EYS: variants seen among roughly 807,000 people sequenced by gnomAD.
EYS encodes the protein EGF-like photoreceptor maintenance factor, also known as protein eyes shut homolog.
EYS carries 250 observed loss-of-function variants against 282.1 expected under a neutral mutation model. The observed-to-expected ratio is 0.89, with a 90% confidence interval of 0.80 to 0.98. The LOEUF (loss-of-function observed/expected upper bound fraction) is 0.98. Among genes scored for constraint, EYS ranks in the 50% least tolerant of loss-of-function variants. The probability of loss-of-function intolerance (pLI) is 0.00; values close to 1 mark genes in which losing one functional copy is unlikely to be tolerated. For synonymous variants in EYS, 1,355 were observed against 1,282.9 expected (o/e 1.06, Z -1.20); for missense variants, 4,016 against 3,709.0 (o/e 1.08, Z -2.15).
At chr6:64,636,109 C>T (rs1273000707) in intron 22 of EYS, among the ~76,000 whole-genome samples, 1 of 151,938 alleles carries the variant, frequency 6.6e-6, no homozygotes, top group Non-Finnish European at 1.5e-5. Flanking sequence ...CATATGGAAC[C>T]AAAAAAGAGC....
At chr6:65,426,286 T>C (rs902792359) in intron 5 of EYS, among the ~76,000 whole-genome samples, 7 of 152,142 alleles carry the variant, frequency 4.6e-5, no homozygotes, top group African/African-American at 1.7e-4. Context: ...GCCAAAATTC[T>C]ATTTTATTAT....
rs140209043 is a variant in EYS at position 64,518,672 on chromosome 6, G to T, written c.5644+71551C>A. Among the ~76,000 whole-genome samples the T allele has an allele frequency of 2.0e-5, 3 of 151,610 alleles. No homozygotes were observed. The South Asian group carries it at 6.3e-4, about 32-fold the overall frequency. ...TTGAATTGTAGCTCCCATAATCTCCGTGTGTCATGGGAGGAAAGAAGTAGA... is the reference window on the plus strand; with the variant it reads ...TTGAATTGTAGCTCCCATAATCTCCTTGTGTCATGGGAGGAAAGAAGTAGA... On this transcript the variant is annotated intron_variant, in intron 26 of 42. Transcript: ENST00000503581.
intron 11 of EYS, among the ~76,000 whole-genome samples, chr6:65,325,734 G>T (rs565808539): frequency 2.0e-5 from 3 of 152,180 alleles, no homozygotes; most frequent in Middle Eastern, 3.4e-3. Flanking sequence ...GGGACACTCT[G>T]ACTCCTAGAA....
At chr6:64,800,396 A>G (rs1311656204) in intron 22 of EYS, among the ~76,000 whole-genome samples, 2 of 152,048 alleles carry the variant, frequency 1.3e-5, no homozygotes, top group Admixed American at 1.3e-4. Context: ...TTTATTGTGG[A>G]AGAGTTAGAA....
chr6:64,499,832 T>C (rs1776985744), intron 26 of EYS, among the ~76,000 whole-genome samples: 2 of 152,250 alleles, frequency 1.3e-5, no homozygotes, highest in African/African-American at 2.4e-5. Flanking sequence ...AATGAGATAA[T>C]GTGCTATTTC....
intron 12 of EYS, among the ~76,000 whole-genome samples, chr6:65,254,022 A>G (rs1767395538): frequency 6.6e-6 from 1 of 151,898 alleles, no homozygotes; most frequent in African/African-American, 2.4e-5. Context: ...CTATAAAGTC[A>G]TATCTATAAA....
At chr6:65,697,394 G>C (rs936507035) in intron 1 of EYS, among the ~76,000 whole-genome samples, 1 of 151,866 alleles carries the variant, frequency 6.6e-6, no homozygotes, top group African/African-American at 2.4e-5. Flanking sequence ...GATCATCAAG[G>C]CTTGAGTGAC....
chr6:65,051,832 G>A (rs1433169060), intron 13 of EYS, among the ~76,000 whole-genome samples: 1 of 151,414 alleles, frequency 6.6e-6, no homozygotes, highest in Non-Finnish European at 1.5e-5. Context: ...GTAGGTACTA[G>A]CATTAACTTC....
At chr6:64,067,742 G>T (rs943290907) in intron 32 of EYS, among the ~76,000 whole-genome samples, 1 of 152,094 alleles carries the variant, frequency 6.6e-6, no homozygotes, top group African/African-American at 2.4e-5. Context: ...AGTTTCAGGT[G>T]GATCTTGGAA....
At chr6:64,478,301 G>T (rs1313419614) in intron 26 of EYS, among the ~76,000 whole-genome samples, 3 of 151,690 alleles carry the variant, frequency 2.0e-5, no homozygotes, top group Non-Finnish European at 2.9e-5. Context: ...AATTTTAGGG[G>T]CTAGAACTGT....
intron 24 of EYS, among the ~76,000 whole-genome samples, chr6:64,603,070 T>A (rs1183572897): frequency 6.6e-6 from 1 of 151,998 alleles, no homozygotes; most frequent in African/African-American, 2.4e-5. Context: ...ATATGTAATA[T>A]CATGGATGCT....
intron 26 of EYS, among the ~76,000 whole-genome samples, chr6:64,542,507 T>G (rs901495476): frequency 2.6e-5 from 4 of 152,096 alleles, no homozygotes; most frequent in Non-Finnish European, 5.9e-5. Flanking sequence ...AGTGGGAATT[T>G]TGGGCACCTA....
intron 5 of EYS, among the ~76,000 whole-genome samples, chr6:65,413,150 C>T (rs986484728): frequency 6.6e-6 from 1 of 152,096 alleles, no homozygotes; most frequent in African/African-American, 2.4e-5. Context: ...AGAAAATGAT[C>T]ATATATGCCT....
At chr6:63,854,904 A>G (rs1772351487) in intron 36 of EYS, among the ~76,000 whole-genome samples, 1 of 152,156 alleles carries the variant, frequency 6.6e-6, no homozygotes, top group South Asian at 2.1e-4. Context: ...ACATCTTCTC[A>G]TATAATGTAG....
chr6:64,639,071 A>G (rs1768051636), intron 22 of EYS, among the ~76,000 whole-genome samples: 1 of 89,514 alleles, frequency 1.1e-5, no homozygotes, highest in Non-Finnish European at 2.4e-5. Context: ...CAGGATTGGT[A>G]TCCTCTGAAG....
intron 30 of EYS, among the ~76,000 whole-genome samples, chr6:64,278,310 A>G (rs755572379): frequency 6.6e-6 from 1 of 152,182 alleles, no homozygotes; most frequent in Non-Finnish European, 1.5e-5. Flanking sequence ...TAAAATATCA[A>G]GATCATATAT....
At position 65,022,947 on chromosome 6, in the gene EYS, T is replaced by C. The variant is rs1583407853; in HGVS notation, c.2138-25244A>G. Among the ~76,000 whole-genome samples the C allele has an allele frequency of 3.9e-5, 6 of 151,920 alleles. No homozygotes were observed. In the South Asian group the frequency reaches 1.2e-3, roughly 31 times the overall value. ...GAAGTCAGTCACAAAAGACCACATA[T>C]TGTACAATTCCATTTATATTACATG... On this transcript the variant is annotated intron_variant, in intron 13 of 42. Transcript: ENST00000503581.
At chr6:64,200,910 A>C (rs1247114586) in intron 31 of EYS, among the ~76,000 whole-genome samples, 1 of 152,130 alleles carries the variant, frequency 6.6e-6, no homozygotes, top group Non-Finnish European at 1.5e-5. Flanking sequence ...TCATTCATAT[A>C]GGTCTTTTTA....
intron 33 of EYS, among the ~76,000 whole-genome samples, chr6:64,023,295 T>C (rs1425457236): frequency 6.6e-6 from 1 of 152,260 alleles, no homozygotes; most frequent in Non-Finnish European, 1.5e-5. Context: ...TGAACAATTC[T>C]GCTATGAACA....
Sources: allele counts gnomAD v4.1 joint callset (sites outside exome capture counted in the v4.1 genomes callset), GRCh38; gene constraint gnomAD v4.1.1; transcripts MANE v1.5; gene names NCBI Gene and HGNC (gene_info 2026-07-23, HGNC 2026-07-21).